SH3BGRL2: variants seen among roughly 807,000 people sequenced by gnomAD.
SH3BGRL2 encodes the protein SH3 domain binding glutamate rich protein like 2.
A neutral mutation model predicts 14.8 loss-of-function variants in SH3BGRL2; 21 were observed. The ratio of observed to expected loss-of-function variants is 1.42; its 90% CI spans 1.01 to 2.05. The LOEUF (loss-of-function observed/expected upper bound fraction) is 2.05. Among genes scored for constraint, SH3BGRL2 ranks in the 30% most tolerant of loss-of-function variants. SH3BGRL2 has a pLI of 0.00. For synonymous variants in SH3BGRL2, 50 were observed against 47.8 expected, an observed-to-expected ratio of 1.05 and a Z score of -0.19; for missense variants, 147 against 130.8, an observed-to-expected ratio of 1.12 and a Z score of -0.61.
chr6:79,558,356 T>C, the SH3BGRL2 span, among the ~76,000 whole-genome samples: 2 of 152,182 alleles, frequency 1.3e-5, no homozygotes, highest in Non-Finnish European at 2.9e-5. Flanking sequence ...ATACATTGGA[T>C]AGCACTAGAT....
chr6:79,639,457 C>T (rs550343978), intron 1 of SH3BGRL2, among the ~76,000 whole-genome samples: 83 of 152,122 alleles, frequency 5.5e-4, no homozygotes, highest in Non-Finnish European at 1.1e-3. Context: ...GGCATGGTGG[C>T]ATGTGCCTGT....
intron 1 of SH3BGRL2, among the ~76,000 whole-genome samples, chr6:79,673,393 A>G (rs1375050855): frequency 6.6e-6 from 1 of 152,014 alleles, no homozygotes; most frequent in African/African-American, 2.4e-5. Flanking sequence ...TGGGCAACAT[A>G]GAGAGACCCC....
intron 2 of SH3BGRL2, among the ~76,000 whole-genome samples, chr6:79,683,685 G>C (rs1770037059): frequency 6.6e-6 from 1 of 152,140 alleles, no homozygotes; most frequent in Admixed American, 6.5e-5. Context: ...CTGACCTTGT[G>C]ATCTGCCCGC....
chr6:79,606,667 G>A, the SH3BGRL2 span, among the ~76,000 whole-genome samples: 1 of 152,150 alleles, frequency 6.6e-6, no homozygotes, highest in Non-Finnish European at 1.5e-5. Context: ...AGTAATTTTT[G>A]TCATGTAAAC....
the SH3BGRL2 span, among the ~76,000 whole-genome samples, chr6:79,616,538 C>T: frequency 7.2e-5 from 11 of 151,956 alleles, no homozygotes; most frequent in Non-Finnish European, 1.3e-4. Context: ...GGCTTATGAT[C>T]CTTGTTCACT....
chr6:79,604,861 G>T, the SH3BGRL2 span, among the ~76,000 whole-genome samples: 1 of 152,164 alleles, frequency 6.6e-6, no homozygotes. Context: ...GGATGTGCCC[G>T]TGGAGGCGGT....
At chr6:79,688,745 C>T (rs969378355) in intron 2 of SH3BGRL2, among the ~76,000 whole-genome samples, 1 of 151,990 alleles carries the variant, frequency 6.6e-6, no homozygotes, top group African/African-American at 2.4e-5. Context: ...TTTAAGAATG[C>T]TTACAACCAT....
intron 1 of SH3BGRL2, among the ~76,000 whole-genome samples, chr6:79,637,968 A>G (rs1398154444): frequency 6.6e-6 from 1 of 152,224 alleles, no homozygotes; most frequent in Non-Finnish European, 1.5e-5. Flanking sequence ...TATTTTTATT[A>G]AGAAAATAGA....
At chr6:79,612,345 G>C in the SH3BGRL2 span, among the ~76,000 whole-genome samples, 1 of 152,102 alleles carries the variant, frequency 6.6e-6, no homozygotes, top group Non-Finnish European at 1.5e-5. Flanking sequence ...CCATGGGAGA[G>C]AACAAACATG....
chr6:79,664,760 A>G (rs768976214), intron 1 of SH3BGRL2, among the ~76,000 whole-genome samples: 1 of 152,382 alleles, frequency 6.6e-6, no homozygotes, highest in East Asian at 1.9e-4. Context: ...CAGGAAACCA[A>G]TGGAAAGACG....
chr6:79,539,314 C>G, the SH3BGRL2 span, among the ~76,000 whole-genome samples: 2 of 152,146 alleles, frequency 1.3e-5, no homozygotes, highest in Non-Finnish European at 2.9e-5. Context: ...CTAGAATTTT[C>G]TAAGATACCA....
the SH3BGRL2 span, among the ~76,000 whole-genome samples, chr6:79,623,143 TA>T: frequency 6.6e-6 from 1 of 151,970 alleles, no homozygotes; most frequent in African/African-American, 2.4e-5. Context: ...TTGTCTTTAC[TA>T]AAAATATAAA....
the SH3BGRL2 span, among the ~76,000 whole-genome samples, chr6:79,582,994 A>T: frequency 1.3e-5 from 2 of 152,366 alleles, no homozygotes; most frequent in South Asian, 4.1e-4. Context: ...ACACTTCTCA[A>T]AAGAAGACAT....
the SH3BGRL2 span, among the ~76,000 whole-genome samples, chr6:79,570,908 T>C: frequency 6.6e-6 from 1 of 152,206 alleles, no homozygotes; most frequent in Non-Finnish European, 1.5e-5. Context: ...CTTTAACGAA[T>C]ATGAATGTAA....
rs1768818254 is a variant in SH3BGRL2 at position 79,631,332 on chromosome 6, T to G, written c.-130T>G. The G allele has an allele frequency of 1.3e-6, 1 of 796,802 alleles. No homozygotes were observed. The highest frequency in any genetic ancestry group is 1.8e-6 in the Non-Finnish European group (1 of 560,198). 49.4% of individuals were successfully genotyped at this position (796,802 alleles called of 1,614,324 possible). A position where few individuals can be genotyped will look rare whatever the true frequency, so the allele number is the denominator to read the frequency against. ...GCGGACCCGCCGGGAGGGAGCCAGA[T>G]CCCAGCGATCTTCCCCGACGGCAGC... is the stretch of plus-strand genomic sequence containing the variant. On this transcript the variant is annotated 5_prime_UTR_variant, in exon 1 of 4. Coordinates refer to ENST00000369838, the MANE Select transcript of SH3BGRL2 (RefSeq NM_031469.4).
chr6:79,615,394 A>C, the SH3BGRL2 span, among the ~76,000 whole-genome samples: 1 of 152,192 alleles, frequency 6.6e-6, no homozygotes, highest in Non-Finnish European at 1.5e-5. Flanking sequence ...ATTTCTGTGA[A>C]GCCTCTTCTG....
chr6:79,694,601 A>T (rs768073234), intron 2 of SH3BGRL2, among the ~76,000 whole-genome samples: 1 of 152,170 alleles, frequency 6.6e-6, no homozygotes, highest in Non-Finnish European at 1.5e-5. Flanking sequence ...TGCTCAGCTG[A>T]TATCTTCTTT....
chr6:79,553,923 G>A, the SH3BGRL2 span, among the ~76,000 whole-genome samples: 19 of 151,324 alleles, frequency 1.3e-4, no homozygotes, highest in Middle Eastern at 3.4e-3. Flanking sequence ...AGCCGAGATT[G>A]TGCCACTGCA....
At chr6:79,606,129 G>T in the SH3BGRL2 span, among the ~76,000 whole-genome samples, 517 of 152,220 alleles carry the variant, frequency 3.4e-3, 4 homozygotes, top group African/African-American at 0.012. Context: ...AGATGGAGTG[G>T]CTGACTAAGG....
Sources: allele counts gnomAD v4.1 joint callset (sites outside exome capture counted in the v4.1 genomes callset), GRCh38; gene constraint gnomAD v4.1.1; transcripts MANE v1.5; gene names NCBI Gene and HGNC (gene_info 2026-07-23, HGNC 2026-07-21).